MAST4: variants seen among roughly 807,000 people sequenced by gnomAD.
The protein encoded by MAST4 is microtubule associated serine/threonine kinase family member 4.
MAST4 carries 89 observed loss-of-function variants against 162.7 expected under a neutral mutation model. The observed-to-expected ratio is 0.55, with a 90% CI of 0.46 to 0.65. The LOEUF is 0.65. Ranked by LOEUF, MAST4 falls within the 30% of genes least tolerant of loss-of-function variation. The pLI, the probability that MAST4 is intolerant of heterozygous loss-of-function variation, is 0.00. For synonymous variants in MAST4, 1,479 were observed against 1,361.1 expected (o/e 1.09, Z -1.91); for missense variants, 3,153 against 3,374.0 (o/e 0.93, Z 1.62).
intron 5 of MAST4, among the ~76,000 whole-genome samples, chr5:67,076,876 A>G (rs1309730555): frequency 6.6e-6 from 1 of 152,216 alleles, no homozygotes; most frequent in African/African-American, 2.4e-5. Context: ...ACTAGTTAGC[A>G]ATACAAACTC....
intron 4 of MAST4, among the ~76,000 whole-genome samples, chr5:67,026,951 C>T (rs1355488481): frequency 6.6e-6 from 1 of 151,866 alleles, no homozygotes; most frequent in East Asian, 1.9e-4. Flanking sequence ...TAGCCAGTTA[C>T]CTTTATTTGT....
intron 4 of MAST4, among the ~76,000 whole-genome samples, chr5:67,037,053 C>T (rs541998035): frequency 1.3e-5 from 2 of 152,016 alleles, no homozygotes; most frequent in African/African-American, 4.8e-5. Context: ...AAAAACCTGC[C>T]ACATAAAAGA....
At chr5:66,828,895 T>A (rs367709155) in intron 3 of MAST4, 1 of 1,587,558 alleles carries the variant, frequency 6.3e-7, no homozygotes, top group South Asian at 1.1e-5. Context: ...AGGAGACTGC[T>A]CCATTCTTGA....
At chr5:66,914,614 T>C (rs1580858528) in intron 4 of MAST4, among the ~76,000 whole-genome samples, 2 of 152,112 alleles carry the variant, frequency 1.3e-5, no homozygotes, top group Admixed American at 6.6e-5. Flanking sequence ...GGGTCCAAAA[T>C]GTTGTGATGC....
rs143564001 is a variant in MAST4 at position 66,633,085 on chromosome 5, C to T, written c.363+36067C>T. 6.7e-3 allele frequency among the ~76,000 whole-genome samples: 1,027 copies of T among 152,294 alleles called. 2 individuals are homozygous for T. Among genetic ancestry groups the T allele is most frequent in the South Asian group, 0.028 (137 of 4,824 alleles). ...TTTAGAAAAATGCACCACCTTTCTTCTGTGGCTTACATATTCACATCACCA... is the reference window on the plus strand; with the variant it reads ...TTTAGAAAAATGCACCACCTTTCTTTTGTGGCTTACATATTCACATCACCA... On this transcript the variant is annotated intron_variant, in intron 1 of 28. Coordinates refer to ENST00000403625, the MANE Select transcript of MAST4 (RefSeq NM_001164664.2).
intron 1 of MAST4, among the ~76,000 whole-genome samples, chr5:66,696,410 C>T (rs1226972369): frequency 1.3e-5 from 2 of 152,074 alleles, no homozygotes; most frequent in Non-Finnish European, 2.9e-5. Context: ...GCTTTAGCAC[C>T]TCCTACGGGT....
In MAST4 at chr5:67,130,101, C is replaced by G. The variant is rs1010749301; in HGVS notation, c.1746-109C>G. The G allele has an allele frequency of 2.5e-5, 24 of 964,922 alleles. No homozygotes were observed. The African/African-American group carries it at 3.8e-4, about 15-fold the overall frequency. The allele number at this position is 964,922 out of a possible 1,614,324, so 59.8% of individuals were successfully genotyped here. A position where few individuals can be genotyped will look rare whatever the true frequency, so the allele number is the denominator to read the frequency against. The stretch of plus-strand genomic sequence containing the variant: ...CCAGCTTGTGTGAGCTACATTCCAC[C>G]TGCTGTGAGAACTTTTAAAAAGTTG... On this transcript the variant is annotated intron_variant, in intron 14 of 28. Coordinates refer to ENST00000403625, the MANE Select transcript of MAST4 (RefSeq NM_001164664.2).
chr5:67,091,700 C>T (rs544170467), intron 6 of MAST4, among the ~76,000 whole-genome samples: 3 of 152,142 alleles, frequency 2.0e-5, no homozygotes, highest in East Asian at 1.9e-4. Context: ...ACAGAAATCA[C>T]GGTATCTTAA....
chr5:67,059,981 C>T (rs1180586398), intron 5 of MAST4, among the ~76,000 whole-genome samples: 1 of 152,170 alleles, frequency 6.6e-6, no homozygotes, highest in African/African-American at 2.4e-5. Context: ...CATATCCCTT[C>T]ATTATCTCCT....
At chr5:66,846,967 G>A (rs1758898432) in intron 3 of MAST4, among the ~76,000 whole-genome samples, 1 of 152,058 alleles carries the variant, frequency 6.6e-6, no homozygotes, top group African/African-American at 2.4e-5. Context: ...TACCTCCCTG[G>A]CACTCATTTC....
At chr5:66,862,133 C>T (rs1008510593) in intron 3 of MAST4, among the ~76,000 whole-genome samples, 1 of 152,186 alleles carries the variant, frequency 6.6e-6, no homozygotes, top group African/African-American at 2.4e-5. Flanking sequence ...TTAATTTAAA[C>T]ACCAATCAAG....
At chr5:66,634,024 G>A (rs1389937756) in intron 1 of MAST4, among the ~76,000 whole-genome samples, 2 of 152,114 alleles carry the variant, frequency 1.3e-5, no homozygotes, top group Non-Finnish European at 2.9e-5. Flanking sequence ...AAGGAGTTGT[G>A]TTGTTCTAGA....
In MAST4 at chr5:66,968,756, A is replaced by G. The variant is rs547215856; in HGVS notation, c.674+68774A>G. On this transcript the variant is annotated intron_variant, in intron 4 of 28. Transcript: ENST00000403625. ...GGACTTATTTTTTATTCTTCTATAA[A>G]TAGTAAGTTATAGCCATCAAAATGT... Among the ~76,000 whole-genome samples, 14 of 152,332 alleles carry G rather than the reference A, an allele frequency of 9.2e-5. No homozygotes were observed. The South Asian group carries it at 2.9e-3, about 32-fold the overall frequency.
intron 1 of MAST4, among the ~76,000 whole-genome samples, chr5:66,707,633 C>T (rs1313160853): frequency 6.6e-6 from 1 of 152,050 alleles, no homozygotes; most frequent in Non-Finnish European, 1.5e-5. Context: ...ATAAGAACAC[C>T]TGTCATATTG....
intron 1 of MAST4, among the ~76,000 whole-genome samples, chr5:66,725,224 T>C (rs557243986): frequency 3.9e-5 from 6 of 152,108 alleles, no homozygotes; most frequent in African/African-American, 1.4e-4. Flanking sequence ...GGCTTTATGC[T>C]TTTTTTCTAA....
At chr5:66,788,876 T>C (rs1177865238) in intron 3 of MAST4, 82 bp downstream of exon 3, 1 of 1,407,936 alleles carries the variant, frequency 7.1e-7, no homozygotes, top group South Asian at 1.6e-5. Context: ...AGTTTAACTA[T>C]ATTTAAACTT....
intron 3 of MAST4, among the ~76,000 whole-genome samples, chr5:66,838,774 A>G (rs1758212249): frequency 1.3e-5 from 2 of 152,166 alleles, no homozygotes; most frequent in Admixed American, 1.3e-4. Flanking sequence ...GTGGCTGAAC[A>G]GGGTGCATCT....
intron 3 of MAST4, among the ~76,000 whole-genome samples, chr5:66,845,126 T>TATATATATATATATATATATACACAC: frequency 1.5e-5 from 1 of 67,176 alleles, no homozygotes; most frequent in East Asian, 8.0e-4. Flanking sequence ...TATATATATA[T>TATATATATATATATATATATACACAC]ACACACACAC....
chr5:66,998,665 C>T (rs932957466), intron 4 of MAST4, among the ~76,000 whole-genome samples: 7 of 152,174 alleles, frequency 4.6e-5, no homozygotes, highest in Non-Finnish European at 8.8e-5. Context: ...CCCCTGCCCA[C>T]CCCTTCACCC....
Sources: allele counts gnomAD v4.1 joint callset (sites outside exome capture counted in the v4.1 genomes callset), GRCh38; gene constraint gnomAD v4.1.1; transcripts MANE v1.5; gene names NCBI Gene and HGNC (gene_info 2026-07-23, HGNC 2026-07-21).